CDH18: variants seen among roughly 807,000 people sequenced by gnomAD.
The protein encoded by CDH18 is cadherin 18.
Under a neutral mutation model 67.9 loss-of-function variants are expected in CDH18, and 31 were observed. The ratio of observed to expected loss-of-function variants is 0.46; its 90% CI spans 0.34 to 0.62. The LOEUF (loss-of-function observed/expected upper bound fraction) is 0.62, where lower values mean the gene tolerates loss of function less well. Among genes scored for constraint, CDH18 ranks in the 20% least tolerant of loss-of-function variants. The pLI, the probability that CDH18 is intolerant of heterozygous loss-of-function variation, is 0.01. For missense variants in CDH18, 890 were observed against 975.5 expected (o/e 0.91, Z 1.17); for synonymous variants, 362 against 347.2 (o/e 1.04, Z -0.48).
At chr5:19,531,540 C>T (rs998760907) in intron 9 of CDH18, among the ~76,000 whole-genome samples, 2 of 151,952 alleles carry the variant, frequency 1.3e-5, no homozygotes, top group Admixed American at 6.6e-5. Context: ...TCCATAAACT[C>T]GAACATGGTA....
Position 19,788,828 on chromosome 5 carries a change from T to C in CDH18, c.229-41592A>G, listed in dbSNP as rs74875277. 4.1e-3 allele frequency among the ~76,000 whole-genome samples: 628 copies of C among 152,306 alleles called. 4 individuals are homozygous for C. The highest frequency in any genetic ancestry group is 0.014 in the African/African-American group (582 of 41,570). On this transcript the variant is annotated intron_variant, in intron 3 of 12. Coordinates refer to ENST00000382275, the MANE Select transcript of CDH18 (RefSeq NM_004934.5). ...TTGTTGTTAAAGGAGGTTTGAACCC[T>C]TAGGAATTGATTTTTTAAATAGATT...
At chr5:19,633,583 C>T (rs1309521206) in intron 5 of CDH18, among the ~76,000 whole-genome samples, 1 of 152,022 alleles carries the variant, frequency 6.6e-6, no homozygotes, top group Non-Finnish European at 1.5e-5. Flanking sequence ...TCTCCTACTT[C>T]ATGTTTAAAT....
chr5:20,152,359 T>A (rs921710130), intron 2 of CDH18, among the ~76,000 whole-genome samples: 3 of 150,686 alleles, frequency 2.0e-5, no homozygotes, highest in Admixed American at 6.6e-5. Flanking sequence ...TTTTCAATAT[T>A]GGCATTCCTT....
chr5:19,684,145 T>G (rs1207326679), intron 5 of CDH18, among the ~76,000 whole-genome samples: 1 of 152,152 alleles, frequency 6.6e-6, no homozygotes, highest in Non-Finnish European at 1.5e-5. Context: ...CTGAGAAATC[T>G]CTCATATTTT....
chr5:20,471,568 G>A (rs1752074123), intron 1 of CDH18, among the ~76,000 whole-genome samples: 2 of 151,934 alleles, frequency 1.3e-5, no homozygotes, highest in Admixed American at 6.6e-5. Flanking sequence ...TTGGGAGGCC[G>A]AGGCGGGAGG....
Position 20,277,966 on chromosome 5 carries a change from C to T in CDH18, c.-579-22461G>A, listed in dbSNP as rs75608821. 6.3e-3 allele frequency among the ~76,000 whole-genome samples: 962 copies of T among 152,000 alleles called. 12 individuals are homozygous for T. The highest frequency in any genetic ancestry group is 0.022 in the African/African-American group (916 of 41,464). ...GACAGGTTATTTGAAACTACACAGT[C>T]GGAGGAGAAAAATGCAAAAAGAATA... On this transcript the variant is annotated intron_variant, in intron 1 of 14. Coordinates refer to the CDH18 transcript ENST00000507958.
At position 19,943,185 on chromosome 5, in the gene CDH18, T is replaced by C. The variant is rs551009911; in HGVS notation, c.-257+37875A>G. On this transcript the variant is annotated intron_variant, in intron 2 of 12. Transcript: ENST00000382275. The stretch of plus-strand genomic sequence containing the variant: ...AGGGAAAATGATTGTAATAATCTTT[T>C]TGTTGTTGTTGTTTGGGGGGGTAAG... 3.9e-5 allele frequency among the ~76,000 whole-genome samples: 6 copies of C among 152,210 alleles called. No individual in the cohort carries two copies. The South Asian group carries it at 1.2e-3, about 32-fold the overall frequency.
intron 1 of CDH18, among the ~76,000 whole-genome samples, chr5:20,418,921 C>T (rs1161770954): frequency 6.6e-6 from 1 of 151,956 alleles, no homozygotes; most frequent in African/African-American, 2.4e-5. Flanking sequence ...ACAACAGACA[C>T]CAAACATTCT....
intron 1 of CDH18, among the ~76,000 whole-genome samples, chr5:20,471,185 T>C (rs1204328176): frequency 6.6e-6 from 1 of 152,210 alleles, no homozygotes; most frequent in Admixed American, 6.5e-5. Context: ...TCAGAATGTA[T>C]GTATTTTTGA....
chr5:20,277,678 G>A (rs1407469765), intron 1 of CDH18, among the ~76,000 whole-genome samples: 2 of 152,086 alleles, frequency 1.3e-5, no homozygotes, highest in Non-Finnish European at 2.9e-5. Context: ...TAAGGCACAA[G>A]GGACCGATCC....
intron 1 of CDH18, among the ~76,000 whole-genome samples, chr5:20,503,914 T>C (rs979963055): frequency 4.0e-5 from 6 of 151,862 alleles, no homozygotes; most frequent in African/African-American, 1.5e-4. Context: ...GGCAGGCGCC[T>C]GTAGTCCCAG....
At chr5:20,414,277 C>T (rs1747080762) in intron 1 of CDH18, among the ~76,000 whole-genome samples, 1 of 146,424 alleles carries the variant, frequency 6.8e-6, no homozygotes, top group Non-Finnish European at 1.5e-5. Flanking sequence ...GGAATCACCC[C>T]AGGTGCTCAT....
chr5:19,994,843 T>TAGAGAGAG (rs1158569828), intron 2 of CDH18, among the ~76,000 whole-genome samples: 1 of 30,238 alleles, frequency 3.3e-5, no homozygotes, highest in African/African-American at 1.4e-4. Context: ...TATATATATA[T>TAGAGAGAG]ATATATATAT....
At chr5:20,094,089 AC>A (rs776321701) in intron 2 of CDH18, among the ~76,000 whole-genome samples, 1 of 152,166 alleles carries the variant, frequency 6.6e-6, no homozygotes, top group Non-Finnish European at 1.5e-5. Flanking sequence ...CTCAGTTGAG[AC>A]ACTGAGAAAG....
At chr5:19,918,047 G>A (rs968637757) in intron 2 of CDH18, among the ~76,000 whole-genome samples, 1 of 152,024 alleles carries the variant, frequency 6.6e-6, no homozygotes, top group Admixed American at 6.6e-5. Flanking sequence ...AGAAAACTGG[G>A]CAATATTATA....
intron 2 of CDH18, among the ~76,000 whole-genome samples, chr5:20,200,392 G>T (rs986069402): frequency 2.0e-5 from 3 of 152,138 alleles, no homozygotes; most frequent in Admixed American, 1.3e-4. Flanking sequence ...CCCAAGTCTT[G>T]GTTGGGTGTC....
chr5:20,441,483 A>G (rs1350200266), intron 1 of CDH18, among the ~76,000 whole-genome samples: 3 of 151,602 alleles, frequency 2.0e-5, no homozygotes, highest in Non-Finnish European at 4.4e-5. Context: ...AGAGCAAAAA[A>G]CTACACAGAG....
intron 5 of CDH18, among the ~76,000 whole-genome samples, chr5:19,624,602 C>A (rs1240372521): frequency 3.9e-5 from 6 of 152,118 alleles, no homozygotes; most frequent in Non-Finnish European, 8.8e-5. Flanking sequence ...CTCCTTCATT[C>A]TGTCACTGGA....
At chr5:19,610,165 A>G (rs1305593195) in intron 6 of CDH18, among the ~76,000 whole-genome samples, 1 of 152,054 alleles carries the variant, frequency 6.6e-6, no homozygotes, top group Admixed American at 6.6e-5. Flanking sequence ...CTTGAAATGC[A>G]GCAGGATTTA....
Sources: gnomAD v4.1 joint callset for allele counts (sites outside exome capture counted in the v4.1 genomes callset) on GRCh38, gnomAD v4.1.1 for gene constraint, MANE v1.5 for transcripts, NCBI Gene and HGNC (gene_info 2026-07-23, HGNC 2026-07-21) for gene names.